The following CECR2 variants were observed in gnomAD, a reference collection of about 807,000 sequenced individuals.
CECR2 encodes chromatin remodeling regulator CECR2.
A neutral mutation model predicts 154.5 loss-of-function variants in CECR2; 30 were observed. The observed-to-expected ratio is 0.19, with a 90% confidence interval of 0.15 to 0.26. The LOEUF (loss-of-function observed/expected upper bound fraction) is 0.26. CECR2 is among the 10% of genes least tolerant of loss of function. The probability of loss-of-function intolerance (pLI) is 1.00; values close to 1 mark genes in which losing one functional copy is unlikely to be tolerated. For synonymous variants in CECR2, 725 were observed against 683.7 expected, an observed-to-expected ratio of 1.06 and a Z score of -0.94; for missense variants, 1,743 against 1,829.3, an observed-to-expected ratio of 0.95 and a Z score of 0.86.
chr22:17,365,669 C>G (rs2062998597), upstream of CECR2, among the ~76,000 whole-genome samples: 1 of 152,106 alleles, frequency 6.6e-6, no homozygotes, highest in South Asian at 2.1e-4. Context: ...GCACTCCAGC[C>G]TGGGTGACAG....
At chr22:17,495,567 T>TA (rs35952986) in intron 2 of CECR2, among the ~76,000 whole-genome samples, 79,127 of 124,720 alleles carry the variant, frequency 0.63, 25,540 homozygotes, top group East Asian at 0.98. Context: ...AAAACTCCAT[T>TA]AAAAAAAAAA....
rs537401007 is a variant in CECR2, at chr22:17,404,978, G to C, written c.126+35069G>C. 3.3e-5 allele frequency among the ~76,000 whole-genome samples: 5 copies of C among 152,258 alleles called. No homozygotes were observed. The South Asian group carries it at 1.0e-3, about 32-fold the overall frequency. The stretch of plus-strand genomic sequence containing the variant: ...TTGAGTCTTCTGACCCATGATGATG[G>C]TACCTCTCTCTCTCTAGGTTTTCTT... On this transcript the variant is annotated intron_variant, in intron 1 of 18. Transcript: ENST00000262608.
intron 1 of CECR2, among the ~76,000 whole-genome samples, chr22:17,386,530 C>T (rs1477025448): frequency 1.3e-5 from 2 of 152,120 alleles, no homozygotes; most frequent in Non-Finnish European, 2.9e-5. Context: ...AATCAATCCC[C>T]TTCTTTGTGC....
chr22:17,388,616 G>T (rs1220880901), intron 1 of CECR2, among the ~76,000 whole-genome samples: 1 of 152,162 alleles, frequency 6.6e-6, no homozygotes, highest in Non-Finnish European at 1.5e-5. Flanking sequence ...TAGTGTCGTG[G>T]TATTAGAAAG....
chr22:17,541,990 G>T (rs1168611422), intron 15 of CECR2, 23 bp downstream of exon 15: 1 of 1,605,964 alleles, frequency 6.2e-7, no homozygotes, highest in Non-Finnish European at 8.5e-7. Flanking sequence ...CTCTGGAGGT[G>T]CAGGTGCAGG....
At chr22:17,394,197 CTTTTT>C (rs71200271) in intron 1 of CECR2, among the ~76,000 whole-genome samples, 6 of 97,088 alleles carry the variant, frequency 6.2e-5, no homozygotes, top group African/African-American at 1.3e-4. Flanking sequence ...GCTGCCGCTG[CTTTTT>C]TTTTTTTTTT....
chr22:17,527,721 C>G (rs1228707984), intron 9 of CECR2, among the ~76,000 whole-genome samples: 1 of 141,922 alleles, frequency 7.0e-6, no homozygotes, highest in Non-Finnish European at 1.5e-5. Context: ...GAGCAGAGAT[C>G]AAGCCAAGAC....
chr22:17,542,510 T>G lies in CECR2; in HGVS notation c.2367T>G (p.Asp789Glu). 1 of 1,613,924 alleles carries G rather than the reference T, an allele frequency of 6.2e-7. No individual in the cohort carries two copies. Among genetic ancestry groups the G allele is most frequent in the Non-Finnish European group, 8.5e-7 (1 of 1,179,866 alleles). ...CGAACCAAGGACCCTTGGGCCCAGA[T>G]GAGAAGCCCCACCTGGGGCCAGGAC... Reference protein sequence around the residue: ...GATNQGPLGPDEKPHLGPGPS... With the variant: ...GATNQGPLGPEEKPHLGPGPS... The change falls in exon 16 of 19, where the codon GAT becomes GAG. Residue 789 changes from aspartate (D) to glutamate (E), a missense_variant. Physicochemically the swap from Asp to Glu is conservative, Grantham distance 45. Transcript: ENST00000262608.
rs1023830847 is a variant in CECR2, at chr22:17,484,631, C to T, written c.221+6949C>T. ...TGTTTTTAAAGGAGGTCTGGCGCAA[C>T]GTCTCAAGCCTGTAATCCCAGCACT... On this transcript the variant is annotated intron_variant, in intron 2 of 18. Transcript: ENST00000262608. Among the ~76,000 whole-genome samples, 10 of 152,080 alleles carry T rather than the reference C, an allele frequency of 6.6e-5. No individual in the cohort carries two copies. The South Asian group carries it at 8.3e-4, about 13-fold the overall frequency.
chr22:17,480,459 C>CACACACAG lies in CECR2; in HGVS notation c.221+2778_221+2779insCACACAGA, dbSNP rs373106595. On this transcript the variant is annotated intron_variant, in intron 2 of 18. Transcript: ENST00000262608. ...ACACACACACACACACACACACACA[C>CACACACAG]AGAGAAAAGTGCTCATTTCCTAATT... 5.6e-3 allele frequency among the ~76,000 whole-genome samples: 802 copies of CACACACAG among 143,754 alleles called. 5 individuals are homozygous for CACACACAG. The highest frequency in any genetic ancestry group is 7.4e-3 in the Non-Finnish European group (487 of 65,530). 94.3% of individuals were successfully genotyped at this position (143,754 alleles called of 152,430 possible).
chr22:17,472,731 A>G (rs117628808), intron 1 of CECR2, among the ~76,000 whole-genome samples: 1 of 152,188 alleles, frequency 6.6e-6, no homozygotes, highest in African/African-American at 2.4e-5. Context: ...AAATTTATAC[A>G]GGGATTAGAA....
At chr22:17,534,060 C>T (rs1488878570) in intron 9 of CECR2, among the ~76,000 whole-genome samples, 1 of 152,106 alleles carries the variant, frequency 6.6e-6, no homozygotes, top group Non-Finnish European at 1.5e-5. Flanking sequence ...TAGGGTCAAT[C>T]ATTATGCCAC....
Position 17,557,701 on chromosome 22 carries a change from A to G in CECR2, c.*4861A>G, listed in dbSNP as rs947735333. 6.6e-6 allele frequency: 1 copy of G among 152,222 alleles called. No individual in the cohort carries two copies. Among genetic ancestry groups the G allele is most frequent in the African/African-American group, 2.4e-5 (1 of 41,434 alleles). 9.4% of individuals were successfully genotyped at this position (152,222 alleles called of 1,614,324 possible). On this transcript the variant is annotated 3_prime_UTR_variant, in exon 19 of 19. Coordinates refer to ENST00000262608, the MANE Select transcript of CECR2 (RefSeq NM_001290047.2). Reference sequence around the variant, plus strand: ...GTGGGAGCAGGGGTATGGATATTGCATAAGTTATTGAAATGCTGACCCCCG... The same window carrying G: ...GTGGGAGCAGGGGTATGGATATTGCGTAAGTTATTGAAATGCTGACCCCCG...
chr22:17,544,078 G>A (rs1435721899), intron 16 of CECR2, among the ~76,000 whole-genome samples: 1 of 152,184 alleles, frequency 6.6e-6, no homozygotes, highest in Non-Finnish European at 1.5e-5. Context: ...AGTACTGTCA[G>A]CCGGGCAGTA....
intron 9 of CECR2, among the ~76,000 whole-genome samples, chr22:17,528,815 C>T (rs964048945): frequency 2.6e-5 from 4 of 152,178 alleles, no homozygotes; most frequent in African/African-American, 9.7e-5. Flanking sequence ...GGAATACAAG[C>T]GTGAGCACAC....
rs776116865 is a variant in CECR2, at chr22:17,414,495, A to C, written c.126+44586A>C. ...TAGAACGAAACCCATTTATTATATC[A>C]GTTTTCTTTTTTTTTTCCTGATTTT... is the stretch of plus-strand genomic sequence containing the variant. On this transcript the variant is annotated intron_variant, in intron 1 of 18. Transcript: ENST00000262608. 1.3e-3 allele frequency among the ~76,000 whole-genome samples: 130 copies of C among 102,146 alleles called. 1 individual carries two copies. The highest frequency in any genetic ancestry group is 3.9e-4 in the Non-Finnish European group (20 of 51,864). 67.0% of individuals were successfully genotyped at this position (102,146 alleles called of 152,430 possible).
At chr22:17,360,129 T>C (rs1204731370) in intron 1 of CECR2, 1 of 152,228 alleles carries the variant, frequency 6.6e-6, no homozygotes, top group African/African-American at 2.4e-5. Flanking sequence ...TGGAAATCAC[T>C]GAAAAGTGGA....
chr22:17,491,415 G>A (rs2055527312), intron 2 of CECR2, among the ~76,000 whole-genome samples: 1 of 152,044 alleles, frequency 6.6e-6, no homozygotes, highest in South Asian at 2.1e-4. Flanking sequence ...ACCTCATTAT[G>A]GTTTTGACTT....
At chr22:17,386,363 TA>T (rs148724683) in intron 1 of CECR2, among the ~76,000 whole-genome samples, 3 of 151,558 alleles carry the variant, frequency 2.0e-5, no homozygotes, top group African/African-American at 4.8e-5. Context: ...AAGGGCGTTT[TA>T]AAAAAAAACT....
Sources: gnomAD v4.1 joint callset for allele counts (sites outside exome capture counted in the v4.1 genomes callset) on GRCh38, gnomAD v4.1.1 for gene constraint, MANE v1.5 for transcripts, NCBI Gene and HGNC (gene_info 2026-07-23, HGNC 2026-07-21) for gene names.